NRIP2: variants seen among roughly 807,000 people sequenced by gnomAD.
The protein encoded by NRIP2 is nuclear receptor-interacting protein 2.
In NRIP2, 27 loss-of-function variants were observed where a neutral mutation model predicts 34.1. The observed-to-expected ratio is 0.79, with a 90% CI of 0.58 to 1.09. The LOEUF is 1.09. Ranked by LOEUF, NRIP2 falls within the 50% of genes least tolerant of loss-of-function variation. The pLI is 0.00. For synonymous variants in NRIP2, 145 were observed against 146.9 expected (o/e 0.99, Z 0.09); for missense variants, 385 against 352.6 (o/e 1.09, Z -0.74).
At position 2,834,956 on chromosome 12, in the gene NRIP2, G is replaced by T. The variant is rs750409344; in HGVS notation, c.28C>A (p.Pro10Thr). The T allele has an allele frequency of 1.9e-6, 3 of 1,591,148 alleles. No individual in the cohort carries two copies. In the African/African-American group the frequency reaches 4.1e-5, roughly 22 times the overall value. MLFIFPLSLPWRPSCWKESC... is the reference protein window; with the variant it reads MLFIFPLSLTWRPSCWKESC... ...TCTTTCCAACAGGAGGGTCTCCACG[G>T]GAGGGAAAGAGGAAAAATAAATAAC... The change falls in exon 1 of 6, where the codon CCG becomes ACG. Residue 10 changes from proline (P) to threonine (T), a missense_variant. By Grantham distance (38) the Pro-to-Thr change is conservative. Transcript: ENST00000337508.
rs777953248 is a variant in NRIP2, at chr12:2,830,696, G to A, written c.495+12C>T. The A allele has an allele frequency of 1.2e-6, 2 of 1,604,460 alleles. No individual in the cohort carries two copies. Among genetic ancestry groups the A allele is most frequent in the Non-Finnish European group, 1.7e-6 (2 of 1,175,776 alleles). On this transcript the variant is annotated intron_variant, in intron 2 of 5. Transcript: ENST00000337508. The stretch of plus-strand genomic sequence containing the variant: ...GTTGTTAATGAAAGTGTGTCCCTGG[G>A]AGGCCTCTCACCTTGCAGTTGACCA...
In NRIP2 at chr12:2,827,179, T is replaced by C; in HGVS notation, c.*28A>G. On this transcript the variant is annotated 3_prime_UTR_variant, in exon 6 of 6. Coordinates refer to ENST00000337508, the MANE Select transcript of NRIP2 (RefSeq NM_031474.3). This position sits in a 1 kb window ranked among gnomAD's most constrained non-coding sequence, Gnocchi z 4.0. ...GCCTCTTCTTCTAAGGCAAGGTCTT[T>C]CCCTCTGGGGACTGACTGAGACAGC... 6.2e-7 allele frequency: 1 copy of C among 1,613,878 alleles called. No homozygotes were observed. The highest frequency in any genetic ancestry group is 8.5e-7 in the Non-Finnish European group (1 of 1,179,924).
rs1459403737 is a variant in NRIP2 at position 2,834,899 on chromosome 12, T to A, written c.85A>T (p.Arg29Ter). The change falls in exon 1 of 6, where the codon AGA (arginine) becomes TGA (stop). Residue 29 changes from arginine (R) to a stop codon, truncating the protein, a stop_gained. Transcript: ENST00000337508. LOFTEE classifies it high-confidence loss of function. ...SCSTGQRQAG[R>*]SREDSVTPPP... is the part of the protein sequence containing the mutation. ...GGCGTCACCGAGTCCTCTCTGCTTC[T>A]TCCTGCCTGTCTCTGTCCCGTGCTG... 1.2e-6 allele frequency: 2 copies of A among 1,613,760 alleles called. No individual in the cohort carries two copies. Among genetic ancestry groups the A allele is most frequent in the African/African-American group, 2.7e-5 (2 of 74,832 alleles).
rs1048954499 is a variant in NRIP2, at chr12:2,830,832, A to G, written c.371T>C (p.Leu124Pro). 3 of 1,613,722 alleles carry G rather than the reference A, an allele frequency of 1.9e-6. No individual in the cohort carries two copies. The highest frequency in any genetic ancestry group is 1.7e-6 in the Non-Finnish European group (2 of 1,179,872). The change falls in exon 2 of 6, where the codon CTG becomes CCG. Residue 124 changes from leucine to proline, a missense_variant. Physicochemically the swap from Leu to Pro is moderately conservative, Grantham distance 98. Coordinates refer to ENST00000337508, the MANE Select transcript of NRIP2 (RefSeq NM_031474.3). ...LQPRSVIQRR[L>P]VEGNPNWLQG... The stretch of plus-strand genomic sequence containing the variant: ...AAGCCAATTCGGGTTTCCCTCCACC[A>G]GGCGTCTTTGGATCACACTGCGCGG...
At chr12:2,828,208 T>G (rs2097979516) in intron 3 of NRIP2, 124 bp downstream of exon 3, 2 of 1,161,080 alleles carry the variant, frequency 1.7e-6, no homozygotes, top group Non-Finnish European at 2.5e-6. Context: ...AGCCACTCTT[T>G]TGTTAAATAA....
chr12:2,829,533 GGAGGCCAAGGTGGAAGGATCGCTT>G (rs1423090683), intron 2 of NRIP2, among the ~76,000 whole-genome samples: 1 of 152,130 alleles, frequency 6.6e-6, no homozygotes, highest in Non-Finnish European at 1.5e-5. Context: ...AAGCACTTTG[GGAGGCCAAGGTGGAAGGATCGCTT>G]GAGGCCAGGA....
rs1184988162 is a variant in NRIP2 at position 2,826,999 on chromosome 12, T to C, written c.*208A>G. 1.4e-6 allele frequency: 2 copies of C among 1,386,794 alleles called. 1 individual carries two copies. The highest frequency in any genetic ancestry group is 3.4e-5 in the South Asian group (2 of 59,670). The allele number at this position is 1,386,794 out of a possible 1,614,324, so 85.9% of individuals were successfully genotyped here. ...AATCCTGGCATCGTGGGCCCTCTAG[T>C]GAAAACTCGTCCTGGGGAGTAGGAC... On this transcript the variant is annotated 3_prime_UTR_variant, in exon 6 of 6. Coordinates refer to ENST00000337508, the MANE Select transcript of NRIP2 (RefSeq NM_031474.3).
rs915990086 is a variant in NRIP2 at position 2,826,219 on chromosome 12, A to C, written c.*988T>G. The C allele has an allele frequency of 2.0e-5, 3 of 150,480 alleles. No individual in the cohort carries two copies. The highest frequency in any genetic ancestry group is 7.3e-5 in the African/African-American group (3 of 40,912). The allele number at this position is 150,480 out of a possible 1,614,324, so 9.3% of individuals were successfully genotyped here. ...CCCCAAACTTTAAAAAAAAAAAAAA[A>C]GCCTCTGTCTTTTTGCTTTGGCAAA... On this transcript the variant is annotated 3_prime_UTR_variant, in exon 6 of 6. Transcript: ENST00000337508.
rs2153925572 is a variant in NRIP2, at chr12:2,827,083, A to G, written c.*124T>C. The G allele has an allele frequency of 6.5e-7, 1 of 1,528,246 alleles. No homozygotes were observed. The highest frequency in any genetic ancestry group is 8.7e-7 in the Non-Finnish European group (1 of 1,145,490). The allele number at this position is 1,528,246 out of a possible 1,614,324, so 94.7% of individuals were successfully genotyped here. ...TGGGGAAAATGGGACAGCAGGGGTC[A>G]GGGAGGTGATTGGAAGGGCAGACAC... On this transcript the variant is annotated 3_prime_UTR_variant, in exon 6 of 6. Transcript: ENST00000337508. This position sits in a 1 kb window ranked among gnomAD's most constrained non-coding sequence, Gnocchi z 4.0.
Position 2,827,911 on chromosome 12 carries a change from G to A in NRIP2, c.700+15C>T. ...TGAGGTGAGCACCAGGGCTGTTGCA[G>A]AAGGGGGGACTTACCCACCACCTGT... On this transcript the variant is annotated intron_variant, in intron 4 of 5. Coordinates refer to ENST00000337508, the MANE Select transcript of NRIP2 (RefSeq NM_031474.3). This position sits in a 1 kb window ranked among gnomAD's most constrained non-coding sequence, Gnocchi z 4.0. The A allele has an allele frequency of 1.2e-6, 2 of 1,613,896 alleles. No individual in the cohort carries two copies. The highest frequency in any genetic ancestry group is 1.7e-6 in the Non-Finnish European group (2 of 1,180,022).
Position 2,834,683 on chromosome 12 carries a change from G to A in NRIP2, c.301C>T (p.Pro101Ser), listed in dbSNP as rs769063355. 33 of 1,612,602 alleles carry A rather than the reference G, an allele frequency of 2.0e-5. No homozygotes were observed. The East Asian group carries it at 3.6e-4, about 17-fold the overall frequency. Residue 101 changes from proline (P) to serine (S), a missense_variant, in exon 1 of 6, where the codon CCG (proline) becomes TCG (serine). Physicochemically the swap from Pro to Ser is moderately conservative, Grantham distance 74. Coordinates refer to ENST00000337508, the MANE Select transcript of NRIP2 (RefSeq NM_031474.3). ...CCGAGCCTCTTGAGGCTGTCCAGCG[G>A]GAGCAGGTCGGCCGAGTCCTTGTGC... ...FLHKDSADLLPLDSLKRLGTS... is the reference protein window; with the variant it reads ...FLHKDSADLLSLDSLKRLGTS...
Position 2,827,492 on chromosome 12 carries a change from A to G in NRIP2, c.753+133T>C, listed in dbSNP as rs2097974222. ...ATTTTTCACTTGGTGGTAAGTAAGG[A>G]ACCTCTAAGGAAGCAAAGGGACAGT... On this transcript the variant is annotated intron_variant, in intron 5 of 5. Transcript: ENST00000337508. This position sits in a 1 kb window ranked among gnomAD's most constrained non-coding sequence, Gnocchi z 4.0. The G allele has an allele frequency of 6.5e-6, 10 of 1,548,158 alleles. No homozygotes were observed. In the South Asian group the frequency reaches 1.1e-4, roughly 18 times the overall value.
At chr12:2,830,594 A>G in intron 2 of NRIP2, 114 bp downstream of exon 2, 1 of 1,159,386 alleles carries the variant, frequency 8.6e-7, no homozygotes. Context: ...CTAGGGAGAG[A>G]GGTGCCCTTT....
chr12:2,827,058 T>C lies in NRIP2; in HGVS notation c.*149A>G. On this transcript the variant is annotated 3_prime_UTR_variant, in exon 6 of 6. Transcript: ENST00000337508. The surrounding 1 kb of genome is among the most constrained non-coding windows in gnomAD (Gnocchi z 4.0). Reference sequence around the variant, plus strand: ...AGAAGCAGAGAGGAATGCGGCCAGCTGGGGAAAATGGGACAGCAGGGGTCA... The same window carrying C: ...AGAAGCAGAGAGGAATGCGGCCAGCCGGGGAAAATGGGACAGCAGGGGTCA... The C allele has an allele frequency of 2.0e-6, 3 of 1,479,408 alleles. No individual in the cohort carries two copies. The highest frequency in any genetic ancestry group is 1.4e-5 in the African/African-American group (1 of 69,668). 91.6% of individuals were successfully genotyped at this position (1,479,408 alleles called of 1,614,324 possible).
chr12:2,834,764 G>T lies in NRIP2; in HGVS notation c.220C>A (p.Arg74=). ...TGCTGGCTCAGGTGGGCTCGGTCTC[G>T]AAGCTGTGCCTCCTGCCCCCTCGTC... is the stretch of plus-strand genomic sequence containing the variant. ...ARTRGQEAQL[R]DRAHLSQQRR... The change falls in exon 1 of 6, where the codon CGA becomes AGA. Residue 74 remains arginine, a synonymous_variant. Coordinates refer to ENST00000337508, the MANE Select transcript of NRIP2 (RefSeq NM_031474.3). 6.2e-7 allele frequency: 1 copy of T among 1,613,902 alleles called. No homozygotes were observed. The highest frequency in any genetic ancestry group is 8.5e-7 in the Non-Finnish European group (1 of 1,179,986).
Position 2,827,470 on chromosome 12 carries a change from T to A in NRIP2, c.753+155A>T. Reference sequence around the variant, plus strand: ...AGGGGGTGACCCAGTTCTCTTGATTTTTCACTTGGTGGTAAGTAAGGAACC... The same window carrying A: ...AGGGGGTGACCCAGTTCTCTTGATTATTCACTTGGTGGTAAGTAAGGAACC... On this transcript the variant is annotated intron_variant, in intron 5 of 5. Coordinates refer to ENST00000337508, the MANE Select transcript of NRIP2 (RefSeq NM_031474.3). This position sits in a 1 kb window ranked among gnomAD's most constrained non-coding sequence, Gnocchi z 4.0. The A allele has an allele frequency of 1.0e-6, 1 of 985,420 alleles. No homozygotes were observed. The highest frequency in any genetic ancestry group is 1.2e-6 in the Non-Finnish European group (1 of 829,936). 61.0% of individuals were successfully genotyped at this position (985,420 alleles called of 1,614,324 possible). A position where few individuals can be genotyped will look rare whatever the true frequency, so the allele number is the denominator to read the frequency against.
At chr12:2,832,254 C>T (rs1327683505) in intron 1 of NRIP2, among the ~76,000 whole-genome samples, 1 of 152,046 alleles carries the variant, frequency 6.6e-6, no homozygotes, top group East Asian at 1.9e-4. Flanking sequence ...CAAAGACCCC[C>T]CACCCTACCC....
At chr12:2,828,541 A>C (rs933968152) in intron 2 of NRIP2, 127 bp from the exon 3 acceptor site, 3 of 790,728 alleles carry the variant, frequency 3.8e-6, no homozygotes, top group East Asian at 2.6e-5. Context: ...ACTGTCTTTA[A>C]AACTGGCTTT....
rs541252795 is a variant in NRIP2, at chr12:2,827,834, C to T, written c.700+92G>A. 3.1e-6 allele frequency: 5 copies of T among 1,605,048 alleles called. No individual in the cohort carries two copies. Among genetic ancestry groups the T allele is most frequent in the Admixed American group, 1.7e-5 (1 of 59,542 alleles). On this transcript the variant is annotated intron_variant, in intron 4 of 5. Coordinates refer to ENST00000337508, the MANE Select transcript of NRIP2 (RefSeq NM_031474.3). The surrounding 1 kb of genome is among the most constrained non-coding windows in gnomAD (Gnocchi z 4.0). ...AGTCAGAACATCTCTGGGAACTCCT[C>T]GTGCTGCAGGGAGTGAAAGTCTCAG...
Sources: allele counts gnomAD v4.1 joint callset (sites outside exome capture counted in the v4.1 genomes callset), GRCh38; gene constraint gnomAD v4.1.1; non-coding constraint Gnocchi (gnomAD v3.1); transcripts MANE v1.5; gene names NCBI Gene and HGNC (gene_info 2026-07-23, HGNC 2026-07-21).